The following TAF6 variants were observed in gnomAD, a reference collection of about 807,000 sequenced individuals.
TAF6 encodes the protein transcription initiation factor TFIID subunit 6.
A neutral mutation model predicts 73.5 loss-of-function variants in TAF6; 50 were observed. The ratio of observed to expected loss-of-function variants is 0.68; its 90% CI spans 0.54 to 0.86. The LOEUF (loss-of-function observed/expected upper bound fraction) is 0.86. Ranked by LOEUF, TAF6 falls within the 40% of genes least tolerant of loss-of-function variation. The pLI, the probability that TAF6 is intolerant of heterozygous loss-of-function variation, is 0.00. For synonymous variants in TAF6, 424 were observed against 376.7 expected (o/e 1.13, Z -1.45); for missense variants, 768 against 899.5 (o/e 0.85, Z 1.87).
At chr7:100,118,741 T>C (rs1797890015) in intron 1 of TAF6, 2 of 391,442 alleles carry the variant, frequency 5.1e-6, no homozygotes, top group Non-Finnish European at 7.0e-6. Context: ...TTAGGAGTAG[T>C]ACAGGTAGGG....
chr7:100,124,826 GA>G (rs778501951), upstream of TAF6: 1 of 1,612,810 alleles, frequency 6.2e-7, no homozygotes, highest in Non-Finnish European at 8.5e-7. Flanking sequence ...GGAGGAAGAG[GA>G]AGGGGGAGAC....
chr7:100,126,181 G>A, the TAF6 span, among the ~76,000 whole-genome samples: 11 of 150,790 alleles, frequency 7.3e-5, no homozygotes, highest in Non-Finnish European at 1.6e-4. Context: ...GCGAGACTCC[G>A]TCTCAAAAAA....
rs1584559325 is a variant in TAF6, at chr7:100,113,739, T to G, written c.274A>C (p.Ile92Leu). The G allele has an allele frequency of 1.2e-6, 2 of 1,613,656 alleles. No homozygotes were observed. The highest frequency in any genetic ancestry group is 1.7e-6 in the Non-Finnish European group (2 of 1,179,938). The change falls in exon 4 of 15, where the codon ATT becomes CTT. Residue 92 changes from isoleucine to leucine, a missense_variant. By Grantham distance (5) the Ile-to-Leu change is conservative. Coordinates refer to ENST00000453269, the MANE Select transcript of TAF6 (RefSeq NM_139315.3). ...CCACCAGAGGCGAAGCGGAAAGGAATGAACTCCTGGGCGTGGAAGCCATAG... is the reference window on the plus strand; with the variant it reads ...CCACCAGAGGCGAAGCGGAAAGGAAGGAACTCCTGGGCGTGGAAGCCATAG... ...PLYGFHAQEF[I>L]PFRFASGGGR...
the TAF6 span, chr7:100,125,195 C>A: frequency 4.0e-5 from 12 of 302,996 alleles, no homozygotes; most frequent in Non-Finnish European, 6.8e-5. Context: ...ACCCAAAAGT[C>A]AGCAGTGGCA....
At chr7:100,127,124 G>A in the TAF6 span, 9 of 498,206 alleles carry the variant, frequency 1.8e-5, no homozygotes, top group Non-Finnish European at 1.1e-5. The surrounding 1 kb of genome is among the most constrained non-coding windows in gnomAD (Gnocchi z 4.6). Flanking sequence ...GGAGGGTGAC[G>A]GGCAAGGACG....
chr7:100,110,358 TTGTAAA>T, intron 10 of TAF6, 84 bp from the exon 11 acceptor site: 1 of 1,458,398 alleles, frequency 6.9e-7, no homozygotes, highest in South Asian at 1.1e-5. Context: ...GACACTTTCC[TTGTAAA>T]TCATTAAGAC....
At chr7:100,107,815 A>C in intron 14 of TAF6, 111 bp downstream of exon 14, 1 of 1,430,706 alleles carries the variant, frequency 7.0e-7, no homozygotes. Flanking sequence ...CGCCTCTTCC[A>C]GCTCTTGACT....
rs1797050687 is a variant in TAF6 at position 100,110,294 on chromosome 7, A to G, written c.1084-20T>C. ...CCAGCTCTGTAAGGGGAAGGAAATA[A>G]ACTAAGATGAAGGGGTCTGAAAGGA... is the stretch of plus-strand genomic sequence containing the variant. On this transcript the variant is annotated intron_variant, in intron 10 of 14. Transcript: ENST00000453269. 1 of 1,613,378 alleles carries G rather than the reference A, an allele frequency of 6.2e-7. No individual in the cohort carries two copies. The highest frequency in any genetic ancestry group is 1.3e-5 in the African/African-American group (1 of 74,900).
upstream of TAF6, chr7:100,122,653 ATC>A: frequency 1.3e-6 from 2 of 1,511,114 alleles, no homozygotes; most frequent in Non-Finnish European, 1.8e-6. Context: ...TCCAGAGGTT[ATC>A]TGCCCATCAT....
Position 100,113,403 on chromosome 7 carries a change from G to C in TAF6, c.400C>G (p.His134Asp). Residue 134 changes from histidine to aspartate, a missense_variant and splice_region_variant, in exon 5 of 15, where the codon CAT becomes GAT. Coordinates refer to ENST00000453269, the MANE Select transcript of TAF6 (RefSeq NM_139315.3). ...RVPLDVCLKA[H>D]WLSIEGCQPA... ...TGGCAGCCCTCGATGCTCAGCCAAT[G>C]AGCTGCAAGGAAGGCAGGTGTCAAG... 1 of 1,587,802 alleles carries C rather than the reference G, an allele frequency of 6.3e-7. No homozygotes were observed. Among genetic ancestry groups the C allele is most frequent in the Non-Finnish European group, 8.6e-7 (1 of 1,167,270 alleles).
rs1797160702 is a variant in TAF6 at position 100,111,297 on chromosome 7, T to A, written c.925A>T (p.Met309Leu). 2 of 1,614,028 alleles carry A rather than the reference T, an allele frequency of 1.2e-6. No homozygotes were observed. The highest frequency in any genetic ancestry group is 1.7e-6 in the Non-Finnish European group (2 of 1,179,872). Residue 309 changes from methionine to leucine, a missense_variant, in exon 10 of 15, where the codon ATG becomes TTG. Physicochemically the swap from Met to Leu is conservative, Grantham distance 15. Coordinates refer to ENST00000453269, the MANE Select transcript of TAF6 (RefSeq NM_139315.3). The stretch of plus-strand genomic sequence containing the variant: ...AACTGTCTGCTCACGATGCAGGTCA[T>A]CACAGCTGGAATCAGCTCATGGACC... The part of the protein sequence containing the change: ...KYVHELIPAV[M>L]TCIVSRQLCL...
chr7:100,111,409 G>C, intron 9 of TAF6, 88 bp from the exon 10 acceptor site: 2 of 1,457,646 alleles, frequency 1.4e-6, no homozygotes, highest in South Asian at 2.6e-5. Flanking sequence ...CTGGTGTGCA[G>C]GGACACAATC....
upstream of TAF6, chr7:100,119,798 G>C: frequency 6.2e-7 from 1 of 1,614,170 alleles, no homozygotes; most frequent in South Asian, 1.1e-5. Flanking sequence ...CCGTGCACGA[G>C]GCTTGGGCTG....
the TAF6 span, chr7:100,127,154 G>C: frequency 7.5e-6 from 4 of 532,656 alleles, no homozygotes; most frequent in African/African-American, 8.0e-5. The surrounding 1 kb of genome is among the most constrained non-coding windows in gnomAD (Gnocchi z 4.6). Context: ...CGAACGGAAT[G>C]GGGCGGGGGC....
At chr7:100,121,856 C>T (rs1310729887), upstream of TAF6, among the ~76,000 whole-genome samples, 4 of 151,078 alleles carry the variant, frequency 2.6e-5, no homozygotes, top group East Asian at 7.9e-4. Flanking sequence ...CGAGACCATC[C>T]TGGCTAACAC....
intron 10 of TAF6, among the ~76,000 whole-genome samples, 160 bp downstream of exon 10, chr7:100,110,979 C>CAA (rs11367015): frequency 7.7e-6 from 1 of 129,854 alleles, no homozygotes. Context: ...GACTCCATCT[C>CAA]AAAAAAAAAA....
chr7:100,119,716 C>T (rs1352295540), upstream of TAF6: 1 of 1,613,934 alleles, frequency 6.2e-7, no homozygotes, highest in South Asian at 1.1e-5. Flanking sequence ...TGAAGGCAAG[C>T]GGTGATTGTT....
Position 100,119,287 on chromosome 7 carries a change from G to T in TAF6, c.-143C>A. 2.9e-6 allele frequency: 3 copies of T among 1,018,570 alleles called. No homozygotes were observed. Among genetic ancestry groups the T allele is most frequent in the Non-Finnish European group, 3.5e-6 (3 of 848,356 alleles). The allele number at this position is 1,018,570 out of a possible 1,614,324, so 63.1% of individuals were successfully genotyped here. Reference sequence around the variant, plus strand: ...AGACCCGCCCCCGCCACCCGAGCGCGGGGAGCAGGAAAACTCTAGCGGCAG... The same window carrying T: ...AGACCCGCCCCCGCCACCCGAGCGCTGGGAGCAGGAAAACTCTAGCGGCAG... On this transcript the variant is annotated 5_prime_UTR_variant, in exon 1 of 15. Coordinates refer to ENST00000453269, the MANE Select transcript of TAF6 (RefSeq NM_139315.3).
intron 12 of TAF6, 121 bp downstream of exon 12, chr7:100,109,825 ACT>A (rs1796998552): frequency 7.0e-7 from 1 of 1,433,900 alleles, no homozygotes; most frequent in African/African-American, 1.4e-5. Flanking sequence ...ATAGTATCAG[ACT>A]CTGCAATGTC....
Sources: allele counts gnomAD v4.1 joint callset (sites outside exome capture counted in the v4.1 genomes callset), GRCh38; gene constraint gnomAD v4.1.1; non-coding constraint Gnocchi (gnomAD v3.1); transcripts MANE v1.5; gene names NCBI Gene and HGNC (gene_info 2026-07-23, HGNC 2026-07-21).